SART3: variants seen among roughly 807,000 people sequenced by gnomAD.
The protein encoded by SART3 is HIV-1 Tat-interacting protein of 110kDa.
Under a neutral mutation model 122.3 loss-of-function variants are expected in SART3, and 44 were observed. That is an observed-to-expected ratio of 0.36 (90% CI 0.28 to 0.46). The LOEUF is 0.46. Among genes scored for constraint, SART3 ranks in the 20% least tolerant of loss-of-function variants. SART3 has a pLI of 1.00. For synonymous variants in SART3, 442 were observed against 454.0 expected (o/e 0.97, Z 0.34); for missense variants, 1,101 against 1,229.0 (o/e 0.90, Z 1.56).
At chr12:108,523,669 C>T in intron 18 of SART3, 35 bp from the exon 19 acceptor site, 1 of 1,591,540 alleles carries the variant, frequency 6.3e-7, no homozygotes, top group Non-Finnish European at 8.6e-7. Context: ...CCTTTTGAAG[C>T]AACAATTCGT....
At chr12:108,523,670 A>G (rs1872235529) in intron 18 of SART3, 36 bp from the exon 19 acceptor site, 2 of 1,580,888 alleles carry the variant, frequency 1.3e-6, no homozygotes, top group Non-Finnish European at 1.7e-6. Context: ...CTTTTGAAGC[A>G]ACAATTCGTG....
At chr12:108,531,626 T>A (rs1312020386) in intron 13 of SART3, 4 of 295,368 alleles carry the variant, frequency 1.4e-5, no homozygotes, top group Non-Finnish European at 1.9e-5. Context: ...TCTTATTTTT[T>A]GGTGGTCTTT....
chr12:108,538,771 CTT>C (rs1272059243), intron 7 of SART3, among the ~76,000 whole-genome samples, 161 bp downstream of exon 7: 4 of 152,128 alleles, frequency 2.6e-5, no homozygotes, highest in Admixed American at 6.5e-5. Flanking sequence ...TTTTAAATAA[CTT>C]GAAACACTAA....
intron 6 of SART3, 89 bp from the exon 7 acceptor site, chr12:108,539,178 AC>A: frequency 7.2e-7 from 1 of 1,380,216 alleles, no homozygotes; most frequent in South Asian, 1.2e-5. Context: ...AAAACTGGCT[AC>A]AGTAACTATG....
intron 1 of SART3, among the ~76,000 whole-genome samples, chr12:108,551,950 T>TA (rs145351815): frequency 0.048 from 7,263 of 152,150 alleles, 576 homozygotes; most frequent in African/African-American, 0.16. Context: ...ACTAAAACAG[T>TA]ACGGAGGAAA....
At position 108,531,284 on chromosome 12, in the gene SART3, G is replaced by A. The variant is rs761518315; in HGVS notation, c.1670-4C>T. Reference sequence around the variant, plus strand: ...ATATCCCAATCTTCTAAAGAACCTTGAAAGAAAGAGAAGCAAAACTTTCAC... The same window carrying A: ...ATATCCCAATCTTCTAAAGAACCTTAAAAGAAAGAGAAGCAAAACTTTCAC... On this transcript the variant is annotated splice_region_variant and splice_polypyrimidine_tract_variant and intron_variant, in intron 13 of 18. Coordinates refer to ENST00000546815, the MANE Select transcript of SART3 (RefSeq NM_014706.4). 17 of 1,611,550 alleles carry A rather than the reference G, an allele frequency of 1.1e-5. No individual in the cohort carries two copies. In the African/African-American group the frequency reaches 1.9e-4, roughly 18 times the overall value.
At chr12:108,548,953 T>G in intron 2 of SART3, 135 bp downstream of exon 2, 1 of 1,330,256 alleles carries the variant, frequency 7.5e-7, no homozygotes, top group South Asian at 1.2e-5. Context: ...AATAGCTAAC[T>G]CTGATGCGTT....
chr12:108,546,993 T>C (rs575020752), intron 3 of SART3, among the ~76,000 whole-genome samples: 2 of 152,196 alleles, frequency 1.3e-5, no homozygotes, highest in Non-Finnish European at 2.9e-5. Flanking sequence ...CTAATTTTTG[T>C]ATTTTTAGCA....
At chr12:108,532,513 C>T (rs1397080520) in intron 12 of SART3, 179 bp from the exon 13 acceptor site, 3 of 587,734 alleles carry the variant, frequency 5.1e-6, no homozygotes, top group Admixed American at 2.5e-5. Flanking sequence ...CAGTCACCTA[C>T]GAAGTATTTC....
chr12:108,524,501 C>G lies in SART3; in HGVS notation c.2529G>C (p.Leu843=). 3 of 1,614,198 alleles carry G rather than the reference C, an allele frequency of 1.9e-6. No individual in the cohort carries two copies. Among genetic ancestry groups the G allele is most frequent in the Non-Finnish European group, 2.5e-6 (3 of 1,180,022 alleles). ...ATTCATTTTCATACTCCACGTAGGC[C>G]AGGCCCTGGAAGAGGCAAGATCCAG... ...VTNRAGKPKG[L]AYVEYENESQ... is the part of the protein sequence containing the mutation. The change falls in exon 18 of 19, where the codon CTG becomes CTC. Residue 843 remains leucine (L), a synonymous_variant. Transcript: ENST00000546815.
chr12:108,541,322 G>A (rs992216226), intron 6 of SART3, among the ~76,000 whole-genome samples: 1 of 151,926 alleles, frequency 6.6e-6, no homozygotes, highest in African/African-American at 2.4e-5. Context: ...CAGGAGAATC[G>A]CTTGAACCTG....
In SART3 at chr12:108,541,335, G is replaced by A. The variant is rs562050072; in HGVS notation, c.906+1693C>T. 2.1e-4 allele frequency among the ~76,000 whole-genome samples: 32 copies of A among 151,998 alleles called. No homozygotes were observed. In the South Asian group the frequency reaches 5.4e-3, roughly 26 times the overall value. The stretch of plus-strand genomic sequence containing the variant: ...GGCAGGAGAATCGCTTGAACCTGGC[G>A]GGGCGGAAGTTGCAGTGAGCCGAGA... On this transcript the variant is annotated intron_variant, in intron 6 of 18. Coordinates refer to ENST00000546815, the MANE Select transcript of SART3 (RefSeq NM_014706.4).
At position 108,538,210 on chromosome 12, in the gene SART3, T is replaced by C. The variant is rs748908050; in HGVS notation, c.1063-7A>G. The C allele has an allele frequency of 1.9e-6, 3 of 1,614,118 alleles. No homozygotes were observed. Among genetic ancestry groups the C allele is most frequent in the Non-Finnish European group, 2.5e-6 (3 of 1,179,958 alleles). The stretch of plus-strand genomic sequence containing the variant: ...TTACTTTCAGTTGTCGATCCTATGA[T>C]AAAGAATTCCAGAGTTAGGAAATTA... On this transcript the variant is annotated splice_polypyrimidine_tract_variant and splice_region_variant and intron_variant, in intron 7 of 18. Transcript: ENST00000546815.
rs749777613 is a variant in SART3, at chr12:108,526,108, G to C, written c.2361C>G (p.Pro787=). ...VSPCVDKSKN[P]DFKVFRYSTS... ...TTTTCCATAAACCTACCTTAAAATC[G>C]GGGTTTTTGCTCTTATCCACACAGG... Residue 787 remains proline, a synonymous_variant, in exon 16 of 19, where the codon CCC becomes CCG. Transcript: ENST00000546815. 6.2e-7 allele frequency: 1 copy of C among 1,613,796 alleles called. No homozygotes were observed. Among genetic ancestry groups the C allele is most frequent in the East Asian group, 2.2e-5 (1 of 44,890 alleles).
chr12:108,535,714 TACTC>T, intron 11 of SART3: 2 of 505,988 alleles, frequency 4.0e-6, no homozygotes, highest in South Asian at 3.9e-5. Flanking sequence ...GCACGGTACT[TACTC>T]GACAGTACTA....
At chr12:108,548,836 AATTAC>A (rs1873550457) in intron 2 of SART3, among the ~76,000 whole-genome samples, 2 of 152,362 alleles carry the variant, frequency 1.3e-5, no homozygotes, top group South Asian at 4.1e-4. Flanking sequence ...AGCCAAGTTT[AATTAC>A]ATTACAAATG....
chr12:108,546,277 G>C (rs1302855858), intron 3 of SART3, among the ~76,000 whole-genome samples: 1 of 152,110 alleles, frequency 6.6e-6, no homozygotes, highest in African/African-American at 2.4e-5. Flanking sequence ...ACGGCTCACT[G>C]CACCCTCTAC....
chr12:108,524,373 T>C lies in SART3; in HGVS notation c.2657A>G (p.Lys886Arg). ...ACCTGGTGCCTTCCTGGTCTCCGGC[T>C]TCTCTGGAACTTTCCTCTGAGGAGG... Reference protein sequence around the residue: ...SNPPQRKVPEKPETRKAPGGP... With the variant: ...SNPPQRKVPERPETRKAPGGP... Residue 886 changes from lysine to arginine, a missense_variant, in exon 18 of 19, where the codon AAG (lysine) becomes AGG (arginine). Physicochemically the swap from Lys to Arg is conservative, Grantham distance 26. Around this residue, in one of 2 missense-constraint regions of SART3, gnomAD observed 885 missense variants for 1,080.1 expected, o/e 0.82. Coordinates refer to ENST00000546815, the MANE Select transcript of SART3 (RefSeq NM_014706.4). 6.2e-7 allele frequency: 1 copy of C among 1,614,230 alleles called. No homozygotes were observed. Among genetic ancestry groups the C allele is most frequent in the Non-Finnish European group, 8.5e-7 (1 of 1,180,022 alleles).
At chr12:108,552,118 A>C (rs1277018409) in intron 1 of SART3, among the ~76,000 whole-genome samples, 1 of 152,188 alleles carries the variant, frequency 6.6e-6, no homozygotes, top group East Asian at 1.9e-4. Flanking sequence ...ATAGATGCAG[A>C]AAATGCATGT....
Sources: gnomAD v4.1 joint callset for allele counts (sites outside exome capture counted in the v4.1 genomes callset) on GRCh38, gnomAD v4.1.1 for gene constraint, gnomAD v4.1.1 regional missense constraint, MANE v1.5 for transcripts, NCBI Gene and HGNC (gene_info 2026-07-23, HGNC 2026-07-21) for gene names.